Variants in TBCA observed in about 807,000 individuals in gnomAD.
The protein encoded by TBCA is tubulin folding cofactor A.
A neutral mutation model predicts 15.8 loss-of-function variants in TBCA; 6 were observed. That is an observed-to-expected ratio of 0.38 (90% confidence interval 0.21 to 0.75). The LOEUF (loss-of-function observed/expected upper bound fraction) is 0.75, where lower values mean the gene tolerates loss of function less well. TBCA is among the 30% of genes least tolerant of loss of function. The probability of loss-of-function intolerance (pLI) is 0.46; values close to 1 mark genes in which losing one functional copy is unlikely to be tolerated. For missense variants in TBCA, 90 were observed against 131.2 expected (o/e 0.69, Z 1.53); for synonymous variants, 32 against 42.3 (o/e 0.76, Z 0.94).
At chr5:77,735,432 T>A (rs535925091) in intron 1 of TBCA, among the ~76,000 whole-genome samples, 5 of 152,282 alleles carry the variant, frequency 3.3e-5, no homozygotes, top group African/African-American at 9.6e-5. Context: ...AAATTTAGCA[T>A]CCTTTGAGGC....
chr5:77,699,674 G>C (rs1455108545), intron 2 of TBCA, among the ~76,000 whole-genome samples: 1 of 152,048 alleles, frequency 6.6e-6, no homozygotes, highest in East Asian at 1.9e-4. Flanking sequence ...GACAAGCAAA[G>C]AGGCCTTAGC....
intron 1 of TBCA, among the ~76,000 whole-genome samples, chr5:77,713,416 G>A (rs541603310): frequency 1.3e-5 from 2 of 152,084 alleles, no homozygotes; most frequent in South Asian, 4.1e-4. Flanking sequence ...ATACTGAGAT[G>A]ACAGCATATT....
At chr5:77,694,165 AAG>A (rs1191808406) in intron 2 of TBCA, 2 of 152,216 alleles carry the variant, frequency 1.3e-5, no homozygotes, top group Admixed American at 1.3e-4. Context: ...TTCACACTGA[AAG>A]AGAGAGGTAA....
In TBCA at chr5:77,776,298, G is replaced by A. The variant is rs769185159; in HGVS notation, c.-41C>T. On this transcript the variant is annotated 5_prime_UTR_variant, in exon 1 of 4. Coordinates refer to ENST00000380377, the MANE Select transcript of TBCA (RefSeq NM_004607.3). Reference sequence around the variant, plus strand: ...GCGAGAAGGAGGGGCGGAGAGCCGGGGTAACCGTGGAGGGCGACGCGCAGA... The same window carrying A: ...GCGAGAAGGAGGGGCGGAGAGCCGGAGTAACCGTGGAGGGCGACGCGCAGA... The A allele has an allele frequency of 2.6e-6, 4 of 1,559,128 alleles. No individual in the cohort carries two copies. The highest frequency in any genetic ancestry group is 2.4e-5 in the East Asian group (1 of 41,668).
intron 1 of TBCA, among the ~76,000 whole-genome samples, chr5:77,767,278 C>G (rs948281077): frequency 6.6e-6 from 1 of 151,980 alleles, no homozygotes; most frequent in African/African-American, 2.4e-5. Flanking sequence ...ACAAACAAAC[C>G]GAGTTAGAAT....
At chr5:77,729,272 C>A (rs978974111) in intron 1 of TBCA, among the ~76,000 whole-genome samples, 2 of 152,044 alleles carry the variant, frequency 1.3e-5, no homozygotes, top group South Asian at 4.2e-4. Flanking sequence ...CAAGATCATG[C>A]CACTGCACTC....
chr5:77,722,032 G>A (rs1746540457), intron 1 of TBCA, among the ~76,000 whole-genome samples: 1 of 151,962 alleles, frequency 6.6e-6, no homozygotes, highest in African/African-American at 2.4e-5. Flanking sequence ...TATAAATTAT[G>A]TCTTTTATGG....
chr5:77,744,356 G>A (rs1747121015), intron 1 of TBCA, among the ~76,000 whole-genome samples: 1 of 151,824 alleles, frequency 6.6e-6, no homozygotes, highest in Non-Finnish European at 1.5e-5. Context: ...ATACCCCAAT[G>A]TAAAGGACAG....
rs575461588 is a variant in TBCA, at chr5:77,747,505, G to A, written c.53+28700C>T. On this transcript the variant is annotated intron_variant, in intron 1 of 3. Transcript: ENST00000380377. ...GCTATAAGAATCAGATATGGCAAGC[G>A]TCTATAACTGCTCACTAATGTATCA... 3.9e-5 allele frequency among the ~76,000 whole-genome samples: 6 copies of A among 152,216 alleles called. No homozygotes were observed. The East Asian group carries it at 5.8e-4, about 15-fold the overall frequency.
At chr5:77,765,032 T>C (rs936927216) in intron 1 of TBCA, among the ~76,000 whole-genome samples, 9 of 152,124 alleles carry the variant, frequency 5.9e-5, no homozygotes, top group Non-Finnish European at 8.8e-5. Context: ...ACAAAATCAA[T>C]GTACAATGTT....
chr5:77,717,623 A>G (rs1042459485), intron 1 of TBCA, among the ~76,000 whole-genome samples: 8 of 151,770 alleles, frequency 5.3e-5, no homozygotes, highest in Non-Finnish European at 7.4e-5. Flanking sequence ...TGAGGTCAGG[A>G]GTTCGAGGCT....
chr5:77,731,631 T>G (rs1166790830), intron 1 of TBCA, among the ~76,000 whole-genome samples: 1 of 152,200 alleles, frequency 6.6e-6, no homozygotes, highest in African/African-American at 2.4e-5. Context: ...ATCTCTATCT[T>G]TTATCTGTTG....
At chr5:77,713,025 G>A (rs189372456) in intron 1 of TBCA, among the ~76,000 whole-genome samples, 220 of 152,218 alleles carry the variant, frequency 1.4e-3, no homozygotes, top group Non-Finnish European at 2.0e-3. Flanking sequence ...CAGGTACAGC[G>A]GCTCACACCT....
At position 77,773,177 on chromosome 5, in the gene TBCA, G is replaced by A. The variant is rs573668762; in HGVS notation, c.53+3028C>T. Among the ~76,000 whole-genome samples, 3 of 152,204 alleles carry A rather than the reference G, an allele frequency of 2.0e-5. No individual in the cohort carries two copies. The South Asian group carries it at 6.2e-4, about 32-fold the overall frequency. The stretch of plus-strand genomic sequence containing the variant: ...GAACTCTGAGCTGAGGGACAGGATG[G>A]ATTATTTATATTTTCAAATATACAT... On this transcript the variant is annotated intron_variant, in intron 1 of 3. Transcript: ENST00000380377.
At chr5:77,728,577 G>A (rs1561272675) in intron 1 of TBCA, among the ~76,000 whole-genome samples, 3 of 152,252 alleles carry the variant, frequency 2.0e-5, no homozygotes, top group South Asian at 4.1e-4. Context: ...CCCTAAGCAG[G>A]AGGTGGGGAG....
intron 1 of TBCA, among the ~76,000 whole-genome samples, chr5:77,764,321 A>C (rs1051273516): frequency 6.6e-6 from 1 of 152,216 alleles, no homozygotes; most frequent in African/African-American, 2.4e-5. Flanking sequence ...CATGTTATTA[A>C]TACACTATTT....
intron 1 of TBCA, among the ~76,000 whole-genome samples, chr5:77,732,137 C>T (rs112339759): frequency 6.6e-5 from 10 of 152,114 alleles, no homozygotes; most frequent in African/African-American, 2.4e-4. Context: ...AAATGTCTTC[C>T]CAATAAGTAA....
chr5:77,743,236 T>A (rs572372709), intron 1 of TBCA, among the ~76,000 whole-genome samples: 40 of 152,336 alleles, frequency 2.6e-4, no homozygotes, highest in African/African-American at 8.4e-4. Context: ...GTTAGAGGTA[T>A]GGACTAAGAT....
intron 1 of TBCA, among the ~76,000 whole-genome samples, chr5:77,719,149 G>A (rs986366390): frequency 2.0e-5 from 3 of 152,064 alleles, no homozygotes; most frequent in Admixed American, 6.6e-5. Context: ...GGCAACTATC[G>A]TCAGCCTCAT....
Sources: allele counts gnomAD v4.1 joint callset (sites outside exome capture counted in the v4.1 genomes callset), GRCh38; gene constraint gnomAD v4.1.1; transcripts MANE v1.5; gene names NCBI Gene and HGNC (gene_info 2026-07-23, HGNC 2026-07-21).